CBL: variants seen among roughly 807,000 people sequenced by gnomAD.
CBL encodes Cbl proto-oncogene.
A neutral mutation model predicts 96.9 loss-of-function variants in CBL; 45 were observed. That is an observed-to-expected ratio of 0.46 (90% confidence interval 0.37 to 0.60). The LOEUF is 0.60. Ranked by LOEUF, CBL falls within the 20% of genes least tolerant of loss-of-function variation. The pLI, the probability that CBL is intolerant of heterozygous loss-of-function variation, is 0.00. For missense variants in CBL, 1,024 were observed against 1,143.5 expected (o/e 0.90, Z 1.51); for synonymous variants, 420 against 426.8 (o/e 0.98, Z 0.20).
At chr11:119,287,811 G>A (rs763643773) in intron 11 of CBL, 41 bp from the exon 12 acceptor site, 2 of 1,241,386 alleles carry the variant, frequency 1.6e-6, no homozygotes, top group Non-Finnish European at 2.4e-6. Context: ...GCTCAGCTGT[G>A]GTAAGAAAGT....
intron 2 of CBL, among the ~76,000 whole-genome samples, chr11:119,259,566 G>T (rs909350812): frequency 2.0e-5 from 3 of 152,090 alleles, no homozygotes; most frequent in Non-Finnish European, 2.9e-5. Flanking sequence ...TAATGTTCAA[G>T]TTCCATATAA....
At chr11:119,284,317 T>A (rs1366621381) in intron 9 of CBL, among the ~76,000 whole-genome samples, 1 of 152,118 alleles carries the variant, frequency 6.6e-6, no homozygotes, top group Non-Finnish European at 1.5e-5. Flanking sequence ...TTTATTTTAT[T>A]TTTGTCGAGA....
chr11:119,295,014 G>A (rs1166355502), intron 12 of CBL, among the ~76,000 whole-genome samples: 1 of 152,072 alleles, frequency 6.6e-6, no homozygotes, highest in African/African-American at 2.4e-5. Flanking sequence ...ATTATTTCAC[G>A]ATTATACATC....
At position 119,274,874 on chromosome 11, in the gene CBL, A is replaced by T; in HGVS notation, c.790A>T (p.Thr264Ser). ...CAGGAATTGGAACAGCCTTGCTGTAACTCATCCTGGCTACATGGCTTTTTT... is the reference window on the plus strand; with the variant it reads ...CAGGAATTGGAACAGCCTTGCTGTATCTCATCCTGGCTACATGGCTTTTTT... ...LLRNWNSLAV[T>S]HPGYMAFLTY... is the part of the protein sequence containing the mutation. The change falls in exon 5 of 16, where the codon ACT becomes TCT. Residue 264 changes from threonine to serine, a missense_variant. Transcript: ENST00000264033. 1 of 1,613,780 alleles carries T rather than the reference A, an allele frequency of 6.2e-7. No individual in the cohort carries two copies. The highest frequency in any genetic ancestry group is 8.5e-7 in the Non-Finnish European group (1 of 1,179,744).
At chr11:119,286,571 AG>A (rs545892816) in intron 11 of CBL, among the ~76,000 whole-genome samples, 1 of 152,182 alleles carries the variant, frequency 6.6e-6, no homozygotes, top group Non-Finnish European at 1.5e-5. Flanking sequence ...AATGATGATT[AG>A]GTTATTTTAA....
intron 12 of CBL, among the ~76,000 whole-genome samples, chr11:119,288,707 A>G (rs1484366450): frequency 6.6e-6 from 1 of 152,194 alleles, no homozygotes; most frequent in African/African-American, 2.4e-5. Context: ...GGCCCTGTGG[A>G]ACCACATATA....
rs1950098551 is a variant in CBL at position 119,301,046 on chromosome 11, C to T, written c.*1265C>T. The T allele has an allele frequency of 1.3e-5, 3 of 233,308 alleles. No homozygotes were observed. The highest frequency in any genetic ancestry group is 1.2e-4 in the East Asian group (2 of 16,604). 14.5% of individuals were successfully genotyped at this position (233,308 alleles called of 1,614,324 possible). A position where few individuals can be genotyped will look rare whatever the true frequency, so the allele number is the denominator to read the frequency against. Reference sequence around the variant, plus strand: ...AGTGGGGATAATGTCCACGGTGGCCCAGCCTCTTGCTGATGGCACCTTCCC... The same window carrying T: ...AGTGGGGATAATGTCCACGGTGGCCTAGCCTCTTGCTGATGGCACCTTCCC... On this transcript the variant is annotated 3_prime_UTR_variant, in exon 16 of 16. Coordinates refer to ENST00000264033, the MANE Select transcript of CBL (RefSeq NM_005188.4).
Position 119,206,377 on chromosome 11 carries a change from C to CGAGCCGGCG in CBL, c.-38_-30dup. On this transcript the variant is annotated 5_prime_UTR_variant, in exon 1 of 16. Transcript: ENST00000264033. ...TTCTCTCCCTCGCTCGCAGTCGAGC[C>CGAGCCGGCG]GAGCCGGCGGACCCGCCTGGGCTCC... The CGAGCCGGCG allele has an allele frequency of 4.2e-6, 6 of 1,441,144 alleles. No homozygotes were observed. The highest frequency in any genetic ancestry group is 5.5e-6 in the Non-Finnish European group (6 of 1,090,602). 89.3% of individuals were successfully genotyped at this position (1,441,144 alleles called of 1,614,324 possible).
At position 119,307,474 on chromosome 11, in the gene CBL, T is replaced by C. The variant is rs1214373816; in HGVS notation, c.*7693T>C. 1 of 232,404 alleles carries C rather than the reference T, an allele frequency of 4.3e-6. No homozygotes were observed. 14.4% of individuals were successfully genotyped at this position (232,404 alleles called of 1,614,324 possible). ...CATCAGATGTGGCTGGCCTTTCATTTGAAGGCTTCAGACTTAAAGCATTAA... is the reference window on the plus strand; with the variant it reads ...CATCAGATGTGGCTGGCCTTTCATTCGAAGGCTTCAGACTTAAAGCATTAA... On this transcript the variant is annotated 3_prime_UTR_variant, in exon 16 of 16. Coordinates refer to ENST00000264033, the MANE Select transcript of CBL (RefSeq NM_005188.4).
chr11:119,266,733 C>T (rs775307567), intron 2 of CBL, among the ~76,000 whole-genome samples: 33 of 152,018 alleles, frequency 2.2e-4, no homozygotes, highest in Non-Finnish European at 3.7e-4. Flanking sequence ...TTTGTAGTTC[C>T]GTAGATTTGG....
intron 2 of CBL, among the ~76,000 whole-genome samples, chr11:119,269,929 G>A (rs909364896): frequency 6.6e-6 from 1 of 152,070 alleles, no homozygotes; most frequent in Admixed American, 6.5e-5. Context: ...CCCGGGAGGC[G>A]GAGCTTGCAG....
At chr11:119,214,893 ATTTTTTT>A (rs774184469) in intron 1 of CBL, among the ~76,000 whole-genome samples, 3 of 117,964 alleles carry the variant, frequency 2.5e-5, no homozygotes, top group Non-Finnish European at 3.5e-5. Context: ...CTGGTAGGGA[ATTTTTTT>A]TTTTTTTTTT....
intron 1 of CBL, among the ~76,000 whole-genome samples, chr11:119,218,300 A>G (rs1012638378): frequency 6.6e-6 from 1 of 152,130 alleles, no homozygotes; most frequent in African/African-American, 2.4e-5. Context: ...GAGGCAAACC[A>G]TTAATCTCTG....
At chr11:119,230,314 G>A (rs551828098) in intron 1 of CBL, among the ~76,000 whole-genome samples, 7 of 152,020 alleles carry the variant, frequency 4.6e-5, no homozygotes, top group African/African-American at 1.7e-4. Flanking sequence ...CACCACGCCC[G>A]GCTAATTTTT....
intron 1 of CBL, among the ~76,000 whole-genome samples, chr11:119,212,834 A>C (rs993569051): frequency 1.3e-5 from 2 of 152,054 alleles, no homozygotes; most frequent in African/African-American, 4.8e-5. Flanking sequence ...AACATGGTGA[A>C]ACCCCGTCTC....
At chr11:119,294,195 A>G (rs928282758) in intron 12 of CBL, among the ~76,000 whole-genome samples, 8 of 151,752 alleles carry the variant, frequency 5.3e-5, no homozygotes, top group Non-Finnish European at 1.0e-4. Flanking sequence ...TTGGGAGGCC[A>G]AGGTGGGTGG....
At chr11:119,206,646 G>C in intron 1 of CBL, 34 bp downstream of exon 1, 1 of 1,538,846 alleles carries the variant, frequency 6.5e-7, no homozygotes. Flanking sequence ...CTGTTGCAGG[G>C]TGGGCGTGGG....
At chr11:119,263,838 G>A (rs1209058951) in intron 2 of CBL, among the ~76,000 whole-genome samples, 1 of 152,146 alleles carries the variant, frequency 6.6e-6, no homozygotes, top group Non-Finnish European at 1.5e-5. Flanking sequence ...TTCTCACTCA[G>A]CATTCTTTAG....
intron 9 of CBL, among the ~76,000 whole-genome samples, chr11:119,284,642 A>C (rs1949965979): frequency 6.6e-6 from 1 of 152,088 alleles, no homozygotes; most frequent in Non-Finnish European, 1.5e-5. Flanking sequence ...TCCAAAGATG[A>C]GGGGGTAGAA....
Sources: gnomAD v4.1 joint callset for allele counts (sites outside exome capture counted in the v4.1 genomes callset) on GRCh38, gnomAD v4.1.1 for gene constraint, MANE v1.5 for transcripts, NCBI Gene and HGNC (gene_info 2026-07-23, HGNC 2026-07-21) for gene names.